The following TIAM1 variants were observed in gnomAD, a reference collection of about 807,000 sequenced individuals.
TIAM1 encodes the protein rho guanine nucleotide exchange factor TIAM1.
A neutral mutation model predicts 163.5 loss-of-function variants in TIAM1; 65 were observed. The ratio of observed to expected loss-of-function variants is 0.40; its 90% CI spans 0.33 to 0.49. TIAM1 has a LOEUF of 0.49. Among genes scored for constraint, TIAM1 ranks in the 20% least tolerant of loss-of-function variants. The probability of loss-of-function intolerance (pLI) is 0.77; values close to 1 mark genes in which losing one functional copy is unlikely to be tolerated. For synonymous variants in TIAM1, 833 were observed against 810.1 expected, an observed-to-expected ratio of 1.03 and a Z score of -0.48; for missense variants, 1,789 against 2,044.7, an observed-to-expected ratio of 0.87 and a Z score of 2.41.
chr21:31,258,709 G>A (rs878872385), intron 4 of TIAM1, among the ~76,000 whole-genome samples: 3 of 151,970 alleles, frequency 2.0e-5, no homozygotes, highest in Admixed American at 6.5e-5. Flanking sequence ...CAGCTACTCC[G>A]GAGGCTGAGG....
intron 16 of TIAM1, among the ~76,000 whole-genome samples, chr21:31,163,206 A>G (rs963022891): frequency 2.0e-5 from 3 of 152,248 alleles, no homozygotes; most frequent in African/African-American, 7.2e-5. Flanking sequence ...AAATCCAGTT[A>G]GAAATTGAAA....
chr21:31,339,040 T>C (rs1355498392), intron 2 of TIAM1, among the ~76,000 whole-genome samples: 3 of 152,058 alleles, frequency 2.0e-5, no homozygotes, highest in African/African-American at 7.2e-5. Flanking sequence ...CCAGGAAGAA[T>C]GGGAAAGGTT....
chr21:31,193,713 T>A (rs1238048496), intron 13 of TIAM1, among the ~76,000 whole-genome samples: 2 of 152,226 alleles, frequency 1.3e-5, no homozygotes, highest in Non-Finnish European at 1.5e-5. Flanking sequence ...CAAATAATTT[T>A]TTTTTGTAAC....
At chr21:31,331,447 C>T (rs1374590430) in intron 2 of TIAM1, among the ~76,000 whole-genome samples, 1 of 152,164 alleles carries the variant, frequency 6.6e-6, no homozygotes, top group Non-Finnish European at 1.5e-5. Context: ...TGTCCCAGAA[C>T]CCAAACGTGT....
At chr21:31,335,331 A>G (rs964038140) in intron 2 of TIAM1, among the ~76,000 whole-genome samples, 1 of 152,198 alleles carries the variant, frequency 6.6e-6, no homozygotes, top group Admixed American at 6.5e-5. Flanking sequence ...AAACCTAAAC[A>G]TGGTATTTCA....
Position 31,266,722 on chromosome 21 carries a change from T to G in TIAM1, c.251A>C (p.Asp84Ala). The part of the protein sequence containing the change: ...EPFSQDGTLE[D>A]FGSPIWVDRV... The stretch of plus-strand genomic sequence containing the variant: ...GTCCACCCAGATGGGGCTCCCGAAG[T>G]CTTCTAGGGTACCATCTTGGGAGAA... The change falls in exon 4 of 28, where the codon GAC becomes GCC. Residue 84 changes from aspartate to alanine, a missense_variant. Physicochemically the swap from Asp to Ala is moderately radical, Grantham distance 126. Around this residue, in one of 5 missense-constraint regions of TIAM1, gnomAD observed 555 missense variants for 564.9 expected, o/e 0.98. Transcript: ENST00000541036. 6.2e-7 allele frequency: 1 copy of G among 1,614,144 alleles called. No individual in the cohort carries two copies. Among genetic ancestry groups the G allele is most frequent in the Non-Finnish European group, 8.5e-7 (1 of 1,180,036 alleles).
chr21:31,278,967 C>T (rs2073424063), intron 2 of TIAM1, among the ~76,000 whole-genome samples: 1 of 152,154 alleles, frequency 6.6e-6, no homozygotes, highest in African/African-American at 2.4e-5. Flanking sequence ...ATTTGCAAGG[C>T]TGGATTCTTC....
At chr21:31,349,096 T>C (rs1286772535), upstream of TIAM1, among the ~76,000 whole-genome samples, 1 of 152,196 alleles carries the variant, frequency 6.6e-6, no homozygotes, top group Non-Finnish European at 1.5e-5. Flanking sequence ...TGATGAATGT[T>C]CGATTTAATT....
intron 3 of TIAM1, among the ~76,000 whole-genome samples, chr21:31,272,310 CT>C (rs747994410): frequency 2.9e-4 from 44 of 152,122 alleles, no homozygotes; most frequent in Non-Finnish European, 4.9e-4. Flanking sequence ...TCAAACCACC[CT>C]AAGTTGGGGA....
chr21:31,126,085 A>G (rs898984104), intron 26 of TIAM1, among the ~76,000 whole-genome samples: 2 of 152,212 alleles, frequency 1.3e-5, no homozygotes, highest in African/African-American at 4.8e-5. Context: ...GACTAAATGA[A>G]ATAATGAATG....
At chr21:31,197,332 ACAT>A (rs1311106225) in intron 12 of TIAM1, among the ~76,000 whole-genome samples, 1 of 152,198 alleles carries the variant, frequency 6.6e-6, no homozygotes, top group Non-Finnish European at 1.5e-5. Context: ...CAGAGTTCAC[ACAT>A]CATAAATGTT....
intron 3 of TIAM1, among the ~76,000 whole-genome samples, chr21:31,275,357 C>T (rs958098252): frequency 2.0e-5 from 3 of 151,810 alleles, no homozygotes; most frequent in East Asian, 1.9e-4. Context: ...TTTAAGTCAC[C>T]GAATTTTTTT....
chr21:31,552,636 T>C (rs2048731666), intron 1 of TIAM1, among the ~76,000 whole-genome samples: 1 of 152,146 alleles, frequency 6.6e-6, no homozygotes, highest in African/African-American at 2.4e-5. Flanking sequence ...TAGCCAGGCA[T>C]GGTGGTAGGC....
At position 31,202,947 on chromosome 21, in the gene TIAM1, C is replaced by A. The variant is rs775124644; in HGVS notation, c.2454G>T (p.Gln818His). The change falls in exon 12 of 28, where the codon CAG becomes CAT. Residue 818 changes from glutamine to histidine, a missense_variant. Physicochemically the swap from Gln to His is conservative, Grantham distance 24. Transcript: ENST00000541036. ...RLKFLIENKM[Q>H]LYVPQPEEDI... ...CTTCCTCGGGCTGTGGAACATAGAG[C>A]TGCATTTTGTTTTCTATTAGAAATT... The A allele has an allele frequency of 1.2e-6, 2 of 1,614,124 alleles. No individual in the cohort carries two copies. The highest frequency in any genetic ancestry group is 1.1e-5 in the South Asian group (1 of 91,082).
chr21:31,263,182 TG>T (rs1410803875), intron 4 of TIAM1, among the ~76,000 whole-genome samples: 2 of 151,490 alleles, frequency 1.3e-5, no homozygotes, highest in African/African-American at 4.9e-5. Context: ...AATACTTCCG[TG>T]CATTTTATAC....
intron 1 of TIAM1, among the ~76,000 whole-genome samples, chr21:31,522,435 G>A (rs562595379): frequency 6.6e-5 from 10 of 151,472 alleles, no homozygotes; most frequent in Non-Finnish European, 1.0e-4. Flanking sequence ...GCTTGAACCC[G>A]GGAGGCAGAG....
intron 1 of TIAM1, among the ~76,000 whole-genome samples, chr21:31,549,533 G>C (rs186479474): frequency 7.9e-4 from 120 of 152,074 alleles, no homozygotes; most frequent in African/African-American, 2.7e-3. Context: ...GAAAATATAC[G>C]ATTAGCCTAC....
intron 2 of TIAM1, among the ~76,000 whole-genome samples, chr21:31,281,085 C>CAAAAAAAAAAAAAA (rs748020575): frequency 4.7e-5 from 3 of 63,752 alleles, no homozygotes; most frequent in Non-Finnish European, 9.1e-5. Flanking sequence ...GACCCTAACT[C>CAAAAAAAAAAAAAA]AAAAAAAAAA....
chr21:31,164,186 C>T (rs1032760281), intron 16 of TIAM1, among the ~76,000 whole-genome samples: 3 of 152,074 alleles, frequency 2.0e-5, no homozygotes, highest in South Asian at 2.1e-4. Flanking sequence ...GTCAGGAGAT[C>T]GAGACCATCC....
Sources: allele counts gnomAD v4.1 joint callset (sites outside exome capture counted in the v4.1 genomes callset), GRCh38; gene constraint gnomAD v4.1.1; regional missense constraint gnomAD v4.1.1; transcripts MANE v1.5; gene names NCBI Gene and HGNC (gene_info 2026-07-23, HGNC 2026-07-21).